The following ITSN1 variants were observed in gnomAD, a reference collection of about 807,000 sequenced individuals.
The protein encoded by ITSN1 is intersectin 1.
A neutral mutation model predicts 239.8 loss-of-function variants in ITSN1; 58 were observed. The ratio of observed to expected loss-of-function variants is 0.24; its 90% CI spans 0.20 to 0.30. The LOEUF (loss-of-function observed/expected upper bound fraction) is 0.30, where lower values mean the gene tolerates loss of function less well. Ranked by LOEUF, ITSN1 falls within the 10% of genes least tolerant of loss-of-function variation. The probability of loss-of-function intolerance (pLI) is 1.00; values close to 1 mark genes in which losing one functional copy is unlikely to be tolerated. For synonymous variants in ITSN1, 780 were observed against 770.8 expected, an observed-to-expected ratio of 1.01 and a Z score of -0.20; for missense variants, 1,558 against 2,103.3, an observed-to-expected ratio of 0.74 and a Z score of 5.07.
intron 36 of ITSN1, among the ~76,000 whole-genome samples, chr21:33,884,761 C>T (rs1985503791): frequency 6.6e-6 from 1 of 152,082 alleles, no homozygotes; most frequent in Admixed American, 6.5e-5. Flanking sequence ...GAGTCGTGTC[C>T]CGATGTTGCC....
intron 5 of ITSN1, among the ~76,000 whole-genome samples, chr21:33,742,400 GA>G (rs1464554892): frequency 6.6e-6 from 1 of 152,130 alleles, no homozygotes; most frequent in African/African-American, 2.4e-5. Flanking sequence ...TTAGTAAAAA[GA>G]AATACAAACA....
intron 5 of ITSN1, among the ~76,000 whole-genome samples, chr21:33,748,763 G>A (rs1172577919): frequency 6.6e-6 from 1 of 151,944 alleles, no homozygotes; most frequent in Non-Finnish European, 1.5e-5. Context: ...AAGTTGGGAG[G>A]CTGAGCTGGG....
intron 16 of ITSN1, among the ~76,000 whole-genome samples, chr21:33,783,285 A>T (rs541255151): frequency 1.3e-5 from 2 of 152,224 alleles, no homozygotes; most frequent in African/African-American, 4.8e-5. Context: ...AAAAATTAGC[A>T]TATTTGAAAC....
At chr21:33,770,455 A>AC (rs1311715316) in intron 11 of ITSN1, among the ~76,000 whole-genome samples, 2 of 152,198 alleles carry the variant, frequency 1.3e-5, no homozygotes, top group Admixed American at 1.3e-4. Context: ...GTGAGGCGAC[A>AC]CAAACATTCA....
chr21:33,874,840 G>T (rs1221858864), intron 33 of ITSN1, among the ~76,000 whole-genome samples: 1 of 151,948 alleles, frequency 6.6e-6, no homozygotes, highest in Non-Finnish European at 1.5e-5. Flanking sequence ...ATAGAGATGG[G>T]GTTTCACCAT....
At chr21:33,827,282 C>T (rs1166500582) in intron 26 of ITSN1, among the ~76,000 whole-genome samples, 1 of 152,114 alleles carries the variant, frequency 6.6e-6, no homozygotes, top group East Asian at 1.9e-4. Flanking sequence ...CACCTGTAAT[C>T]CCAGCTACTC....
At chr21:33,885,890 C>G (rs1232200749) in intron 38 of ITSN1, among the ~76,000 whole-genome samples, 1 of 152,102 alleles carries the variant, frequency 6.6e-6, no homozygotes, top group Non-Finnish European at 1.5e-5. Context: ...CCGAATGACA[C>G]TTATTAAGCA....
intron 11 of ITSN1, among the ~76,000 whole-genome samples, chr21:33,769,667 CCTCT>C (rs1209700052): frequency 6.6e-6 from 1 of 151,834 alleles, no homozygotes; most frequent in Non-Finnish European, 1.5e-5. Flanking sequence ...ACAGATCTCT[CCTCT>C]CTCTGTTTTC....
chr21:33,761,931 G>A lies in ITSN1; in HGVS notation c.733G>A (p.Ala245Thr). ...TMSGHLTGPQ[A>T]RTILMQSSLP... ...TCCTGGTTCCTGTTTAGGTCCCCAA[G>A]CAAGAACTATTCTTATGCAGTCAAG... Residue 245 changes from alanine to threonine, a missense_variant, in exon 9 of 40, where the codon GCA becomes ACA. Ala to Thr is a moderately conservative substitution (Grantham distance 58). Transcript: ENST00000381318. 6.2e-7 allele frequency: 1 copy of A among 1,613,180 alleles called. No individual in the cohort carries two copies. The highest frequency in any genetic ancestry group is 8.5e-7 in the Non-Finnish European group (1 of 1,179,150).
intron 1 of ITSN1, among the ~76,000 whole-genome samples, chr21:33,716,025 A>G (rs1024930255): frequency 1.4e-4 from 21 of 152,208 alleles, no homozygotes; most frequent in Non-Finnish European, 2.2e-4. Context: ...ATTTTTCAAA[A>G]CAGAAAGTGA....
At chr21:33,654,600 T>G (rs756154109) in intron 1 of ITSN1, among the ~76,000 whole-genome samples, 1 of 152,158 alleles carries the variant, frequency 6.6e-6, no homozygotes, top group South Asian at 2.1e-4. Context: ...ACATAATACA[T>G]TGAACTCGGG....
intron 29 of ITSN1, among the ~76,000 whole-genome samples, chr21:33,853,109 AG>A (rs1485272403): frequency 2.0e-5 from 3 of 152,240 alleles, no homozygotes; most frequent in Non-Finnish European, 2.9e-5. Context: ...ATGGCTAAAA[AG>A]ATGATTCCAA....
At chr21:33,726,604 A>G (rs934475338) in intron 4 of ITSN1, among the ~76,000 whole-genome samples, 14 of 151,678 alleles carry the variant, frequency 9.2e-5, no homozygotes, top group Non-Finnish European at 1.8e-4. Flanking sequence ...TCTGGGCTCA[A>G]ACAATCCTCC....
intron 4 of ITSN1, among the ~76,000 whole-genome samples, chr21:33,726,688 A>G (rs112285322): frequency 1.3e-3 from 198 of 152,016 alleles, no homozygotes; most frequent in Non-Finnish European, 2.0e-3. Context: ...TGCCTGGCTA[A>G]TTTTTGTATT....
intron 1 of ITSN1, among the ~76,000 whole-genome samples, chr21:33,654,203 C>T (rs919021522): frequency 2.0e-5 from 3 of 151,792 alleles, no homozygotes; most frequent in Non-Finnish European, 2.9e-5. Flanking sequence ...CAGCCACGCA[C>T]CACCACACCT....
chr21:33,773,644 T>G (rs2069357416), intron 12 of ITSN1, among the ~76,000 whole-genome samples: 1 of 151,732 alleles, frequency 6.6e-6, no homozygotes, highest in Admixed American at 6.6e-5. Context: ...CAAGAACCTG[T>G]CTCAAAAAAA....
At chr21:33,811,587 G>T (rs780327234) in intron 21 of ITSN1, among the ~76,000 whole-genome samples, 1 of 152,204 alleles carries the variant, frequency 6.6e-6, no homozygotes, top group African/African-American at 2.4e-5. Flanking sequence ...CATGCAAATA[G>T]CACTTTTTTT....
Position 33,896,190 on chromosome 21 carries a change from C to T in ITSN1, c.*7890C>T, listed in dbSNP as rs559126849. 6.6e-6 allele frequency: 1 copy of T among 152,488 alleles called. No homozygotes were observed. Among genetic ancestry groups the T allele is most frequent in the African/African-American group, 2.4e-5 (1 of 41,596 alleles). 9.4% of individuals were successfully genotyped at this position (152,488 alleles called of 1,614,324 possible). On this transcript the variant is annotated 3_prime_UTR_variant, in exon 40 of 40. Transcript: ENST00000381318. ...GTGGAACCGAGCCCCTAGTTCACAG[C>T]TGTACCCCAAGGCTGGAGAGGGGGT...
In ITSN1 at chr21:33,642,524, G is replaced by A. The variant is rs529206292; in HGVS notation, c.-222G>A. ...AGGTAGAGAAGAGTGGAGGCGCCAG[G>A]GGAGGGAGCGTAGCTTGGTTGCTCC... On this transcript the variant is annotated 5_prime_UTR_variant, in exon 1 of 40. Transcript: ENST00000381318. The A allele has an allele frequency of 6.3e-3, 959 of 153,120 alleles. 8 individuals carry two copies. The highest frequency in any genetic ancestry group is 9.7e-3 in the Non-Finnish European group (659 of 68,282). The allele number at this position is 153,120 out of a possible 1,614,324, so 9.5% of individuals were successfully genotyped here.
Sources: gnomAD v4.1 joint callset for allele counts (sites outside exome capture counted in the v4.1 genomes callset) on GRCh38, gnomAD v4.1.1 for gene constraint, MANE v1.5 for transcripts, NCBI Gene and HGNC (gene_info 2026-07-23, HGNC 2026-07-21) for gene names.